SUGCT: variants seen among roughly 807,000 people sequenced by gnomAD.
SUGCT encodes the protein succinyl-CoA:glutarate CoA-transferase.
SUGCT carries 41 observed loss-of-function variants against 55.0 expected under a neutral mutation model. The observed-to-expected ratio is 0.74, with a 90% confidence interval of 0.58 to 0.97. The LOEUF is 0.97. Ranked by LOEUF, SUGCT falls within the 50% of genes least tolerant of loss-of-function variation. SUGCT has a pLI of 0.00. For missense variants in SUGCT, 568 were observed against 547.8 expected, an observed-to-expected ratio of 1.04 and a Z score of -0.37; for synonymous variants, 187 against 200.4, an observed-to-expected ratio of 0.93 and a Z score of 0.56.
intron 1 of SUGCT, among the ~76,000 whole-genome samples, chr7:40,137,887 G>T (rs1206811576): frequency 6.6e-6 from 1 of 152,056 alleles, no homozygotes; most frequent in Non-Finnish European, 1.5e-5. Flanking sequence ...TTGCCATGTT[G>T]CCCACACTGG....
chr7:40,875,114 T>A, the SUGCT span, among the ~76,000 whole-genome samples: 2 of 151,264 alleles, frequency 1.3e-5, no homozygotes, highest in Non-Finnish European at 3.0e-5. Context: ...ACTGCGCACA[T>A]GTTTTCTTCT....
At chr7:40,773,705 C>G (rs1230763119) in intron 13 of SUGCT, among the ~76,000 whole-genome samples, 1 of 152,056 alleles carries the variant, frequency 6.6e-6, no homozygotes, top group Non-Finnish European at 1.5e-5. Flanking sequence ...GAATAGTTGA[C>G]CTCTAGATAA....
chr7:40,411,892 G>T (rs1371628278), intron 9 of SUGCT, among the ~76,000 whole-genome samples: 2 of 152,062 alleles, frequency 1.3e-5, no homozygotes, highest in East Asian at 3.9e-4. Context: ...CCCCAAATAT[G>T]TACATCTATT....
intron 6 of SUGCT, among the ~76,000 whole-genome samples, chr7:40,213,104 A>C (rs1032485958): frequency 1.3e-5 from 2 of 151,586 alleles, no homozygotes; most frequent in African/African-American, 2.4e-5. Context: ...CATATTTTTA[A>C]TGTTTTTTTA....
chr7:40,827,555 A>G (rs1792377387), intron 13 of SUGCT, among the ~76,000 whole-genome samples: 2 of 152,260 alleles, frequency 1.3e-5, no homozygotes, highest in Admixed American at 6.5e-5. Flanking sequence ...CTGAAATGTG[A>G]AAAGCTCTTA....
At chr7:40,290,045 A>C (rs1793641369) in intron 8 of SUGCT, among the ~76,000 whole-genome samples, 1 of 152,158 alleles carries the variant, frequency 6.6e-6, no homozygotes, top group South Asian at 2.1e-4. Context: ...GCTCATGGAT[A>C]GGAAGAATCA....
intron 9 of SUGCT, among the ~76,000 whole-genome samples, chr7:40,322,202 C>T (rs1424580516): frequency 6.6e-6 from 1 of 152,166 alleles, no homozygotes; most frequent in African/African-American, 2.4e-5. Flanking sequence ...GGGAGTTTCA[C>T]TGTTCTGAAT....
intron 8 of SUGCT, among the ~76,000 whole-genome samples, chr7:40,286,003 G>T (rs1488620778): frequency 6.6e-6 from 1 of 151,940 alleles, no homozygotes; most frequent in African/African-American, 2.4e-5. Flanking sequence ...CACCTCCAAG[G>T]GTATTATTCT....
intron 8 of SUGCT, among the ~76,000 whole-genome samples, chr7:40,281,926 C>G (rs1584555517): frequency 6.6e-6 from 1 of 152,046 alleles, no homozygotes; most frequent in Non-Finnish European, 1.5e-5. Flanking sequence ...GTGCAAATGA[C>G]TCTCCTGCCT....
intron 9 of SUGCT, among the ~76,000 whole-genome samples, chr7:40,436,437 A>G (rs1446355666): frequency 1.3e-5 from 2 of 152,204 alleles, no homozygotes; most frequent in African/African-American, 4.8e-5. Context: ...TGATGAACAG[A>G]TATGCTTGGG....
intron 1 of SUGCT, chr7:40,151,748 T>C (rs2150608697): frequency 1.3e-5 from 2 of 158,610 alleles, no homozygotes; most frequent in South Asian, 3.8e-4. Context: ...AACTGCCCAG[T>C]GCATTCATTT....
At chr7:40,634,527 G>A (rs1355558702) in intron 12 of SUGCT, among the ~76,000 whole-genome samples, 1 of 152,190 alleles carries the variant, frequency 6.6e-6, no homozygotes, top group Non-Finnish European at 1.5e-5. Flanking sequence ...GTTCTGCACT[G>A]TAGACTGTGG....
chr7:40,290,290 A>G (rs142671722), intron 8 of SUGCT, among the ~76,000 whole-genome samples: 181 of 152,312 alleles, frequency 1.2e-3, no homozygotes, highest in Middle Eastern at 6.8e-3. Context: ...ACAGCATGCT[A>G]CTGGTACCAA....
At chr7:40,539,403 A>G (rs1794551758) in intron 12 of SUGCT, 1 of 152,226 alleles carries the variant, frequency 6.6e-6, no homozygotes, top group Non-Finnish European at 1.5e-5. Context: ...AAATGTATCT[A>G]TGAATGAGGT....
the SUGCT span, among the ~76,000 whole-genome samples, chr7:40,925,300 C>T: frequency 6.6e-6 from 1 of 152,114 alleles, no homozygotes; most frequent in Non-Finnish European, 1.5e-5. Flanking sequence ...ACATGATATT[C>T]CCCCATGTAA....
At chr7:40,152,940 T>C (rs1788657647) in intron 1 of SUGCT, 1 of 163,536 alleles carries the variant, frequency 6.1e-6, no homozygotes, top group Non-Finnish European at 1.3e-5. Context: ...CTCCTGACCT[T>C]GTGATCTGCC....
intron 12 of SUGCT, among the ~76,000 whole-genome samples, chr7:40,620,459 A>G (rs1584142886): frequency 6.6e-6 from 1 of 151,878 alleles, no homozygotes; most frequent in Non-Finnish European, 1.5e-5. Context: ...GCTGGAGTGC[A>G]ACAGCGATCT....
intron 7 of SUGCT, among the ~76,000 whole-genome samples, chr7:40,265,059 T>C (rs1387033327): frequency 1.3e-5 from 2 of 152,154 alleles, no homozygotes; most frequent in Non-Finnish European, 2.9e-5. Context: ...TCTCCAAAGG[T>C]TGTGTGGTTA....
At chr7:40,276,269 G>T (rs1326764944) in intron 8 of SUGCT, among the ~76,000 whole-genome samples, 2 of 152,064 alleles carry the variant, frequency 1.3e-5, no homozygotes, top group Admixed American at 1.3e-4. Flanking sequence ...GTTATGGGAG[G>T]GTGCAGAAAG....
Sources: gnomAD v4.1 joint callset for allele counts (sites outside exome capture counted in the v4.1 genomes callset) on GRCh38, gnomAD v4.1.1 for gene constraint, MANE v1.5 for transcripts, NCBI Gene and HGNC (gene_info 2026-07-23, HGNC 2026-07-21) for gene names.